The following ZNF827 variants were observed in gnomAD, a reference collection of about 807,000 sequenced individuals.
ZNF827 encodes the protein zinc finger protein 827.
ZNF827 carries 13 observed loss-of-function variants against 102.4 expected under a neutral mutation model. That is an observed-to-expected ratio of 0.13 (90% CI 0.08 to 0.20). The LOEUF (loss-of-function observed/expected upper bound fraction) is 0.20. ZNF827 is among the 10% of genes least tolerant of loss of function. The probability of loss-of-function intolerance (pLI) is 1.00; values close to 1 mark genes in which losing one functional copy is unlikely to be tolerated. For missense variants in ZNF827, 1,103 were observed against 1,344.4 expected (o/e 0.82, Z 2.81); for synonymous variants, 523 against 536.2 (o/e 0.98, Z 0.34).
chr4:145,825,127 A>G (rs1002587100), intron 7 of ZNF827, among the ~76,000 whole-genome samples: 1 of 152,262 alleles, frequency 6.6e-6, no homozygotes, highest in Non-Finnish European at 1.5e-5. Flanking sequence ...AAGGCCGTGA[A>G]GGAGGGGACA....
intron 4 of ZNF827, among the ~76,000 whole-genome samples, chr4:145,878,572 CA>C (rs1749358408): frequency 8.4e-6 from 1 of 118,934 alleles, no homozygotes; most frequent in African/African-American, 3.4e-5. Context: ...CAGGACAGGA[CA>C]GGACAGGACA....
intron 10 of ZNF827, among the ~76,000 whole-genome samples, chr4:145,775,283 A>G (rs1303544789): frequency 6.6e-6 from 1 of 152,230 alleles, no homozygotes; most frequent in Admixed American, 6.5e-5. Flanking sequence ...TGGGGGTTTT[A>G]TGGCAATCAA....
At chr4:145,889,246 A>G (rs1194231473) in intron 3 of ZNF827, among the ~76,000 whole-genome samples, 4 of 152,208 alleles carry the variant, frequency 2.6e-5, no homozygotes, top group Admixed American at 2.6e-4. Flanking sequence ...TTCTAAATGT[A>G]AATAAACATT....
At chr4:145,786,038 C>T (rs1395217112) in intron 8 of ZNF827, among the ~76,000 whole-genome samples, 1 of 152,148 alleles carries the variant, frequency 6.6e-6, no homozygotes, top group Admixed American at 6.5e-5. Flanking sequence ...AACAGCCAAT[C>T]CTCTCTGAGG....
intron 7 of ZNF827, among the ~76,000 whole-genome samples, chr4:145,834,131 C>A (rs1261144651): frequency 6.6e-6 from 1 of 152,198 alleles, no homozygotes; most frequent in Non-Finnish European, 1.5e-5. Flanking sequence ...GACCCCAATA[C>A]AAACTCGACA....
chr4:145,871,377 A>T (rs1339739458), intron 4 of ZNF827, among the ~76,000 whole-genome samples: 1 of 152,168 alleles, frequency 6.6e-6, no homozygotes, highest in African/African-American at 2.4e-5. Context: ...GTCAGGACAG[A>T]GCTAACTGGC....
chr4:145,785,610 G>C (rs1436672390), intron 8 of ZNF827, among the ~76,000 whole-genome samples: 2 of 152,082 alleles, frequency 1.3e-5, no homozygotes, highest in East Asian at 3.9e-4. Context: ...CCAAATCTTA[G>C]TTCAAGGAGG....
Position 145,885,962 on chromosome 4 carries a change from T to C in ZNF827, c.1463A>G (p.Gln488Arg). ...CTCTGTCCCTCCTCCTTCCCTTTGCTGCCCCAGGCAGGCACTGTCACTGAG... is the reference window on the plus strand; with the variant it reads ...CTCTGTCCCTCCTCCTTCCCTTTGCCGCCCCAGGCAGGCACTGTCACTGAG... ...PHLSDSACLG[Q>R]QREGGGTELV... The change falls in exon 4 of 15, where the codon CAG (glutamine) becomes CGG (arginine). Residue 488 changes from glutamine (Q) to arginine (R), a missense_variant. Coordinates refer to ENST00000508784, the MANE Select transcript of ZNF827 (RefSeq NM_001306215.2). 1 of 1,614,112 alleles carries C rather than the reference T, an allele frequency of 6.2e-7. No homozygotes were observed. Among genetic ancestry groups the C allele is most frequent in the Non-Finnish European group, 8.5e-7 (1 of 1,179,986 alleles).
At chr4:145,868,858 G>C (rs527584601) in intron 5 of ZNF827, among the ~76,000 whole-genome samples, 1 of 152,348 alleles carries the variant, frequency 6.6e-6, no homozygotes, top group African/African-American at 2.4e-5. Context: ...GAATGTGAAA[G>C]TGTATGCTAT....
intron 2 of ZNF827, among the ~76,000 whole-genome samples, chr4:145,901,254 T>A (rs1751385583): frequency 6.6e-6 from 1 of 152,182 alleles, no homozygotes; most frequent in South Asian, 2.1e-4. Flanking sequence ...CCTGCTCCAG[T>A]CTGGCAGGAT....
intron 4 of ZNF827, among the ~76,000 whole-genome samples, chr4:145,877,994 C>T (rs1749298499): frequency 6.6e-6 from 1 of 152,208 alleles, no homozygotes. Context: ...AACCTGAAGA[C>T]TGGATAATAT....
chr4:145,824,719 C>T (rs937154225), intron 7 of ZNF827, among the ~76,000 whole-genome samples: 7 of 152,124 alleles, frequency 4.6e-5, no homozygotes, highest in East Asian at 1.9e-4. Context: ...GGGATCACTA[C>T]CCCCCACCAC....
At chr4:145,904,299 C>T (rs997766122) in intron 1 of ZNF827, among the ~76,000 whole-genome samples, 1 of 152,186 alleles carries the variant, frequency 6.6e-6, no homozygotes, top group South Asian at 2.1e-4. Flanking sequence ...TAAGATCCTG[C>T]CTTCTTGGAG....
At chr4:145,835,005 A>G (rs1291958874) in intron 7 of ZNF827, 2 of 152,214 alleles carry the variant, frequency 1.3e-5, no homozygotes, top group Non-Finnish European at 1.5e-5. Context: ...CTCCTCCCAC[A>G]GGAGCTTGCT....
chr4:145,774,529 G>A lies in ZNF827; in HGVS notation c.2837C>T (p.Thr946Ile), dbSNP rs1736757932. The change falls in exon 11 of 15, where the codon ACT becomes ATT. Residue 946 changes from threonine to isoleucine, a missense_variant. By Grantham distance (89) the Thr-to-Ile change is moderately conservative (BLOSUM62 -1). This residue lies in a region of ZNF827 where 242 missense variants were observed against 361.9 expected (regional missense o/e 0.67). Transcript: ENST00000508784. ...FVTMEEAEIKTHIGTKHTGED... is the reference protein window; with the variant it reads ...FVTMEEAEIKIHIGTKHTGED... ...ACCTGTGTGCTTGGTGCCAATGTGA[G>A]TCTTTATCTCTGCTTCCTCCATGGT... The A allele has an allele frequency of 6.2e-7, 1 of 1,611,748 alleles. No homozygotes were observed. Among genetic ancestry groups the A allele is most frequent in the African/African-American group, 1.3e-5 (1 of 75,036 alleles).
At chr4:145,871,789 T>C (rs1025924374) in intron 4 of ZNF827, among the ~76,000 whole-genome samples, 11 of 152,204 alleles carry the variant, frequency 7.2e-5, no homozygotes, top group Admixed American at 6.5e-4. Flanking sequence ...AGAATATGCA[T>C]TCTGGAATCA....
intron 13 of ZNF827, 83 bp downstream of exon 13, chr4:145,764,905 C>G: frequency 1.2e-6 from 2 of 1,600,804 alleles, no homozygotes; most frequent in Non-Finnish European, 1.7e-6. Flanking sequence ...CTCCCAAAAC[C>G]TTCACGGGAA....
chr4:145,840,430 A>G (rs1009023697), intron 7 of ZNF827, among the ~76,000 whole-genome samples: 6 of 152,232 alleles, frequency 3.9e-5, no homozygotes, highest in African/African-American at 1.4e-4. Flanking sequence ...AGGCCCCAAA[A>G]CAGCCTTGAC....
intron 8 of ZNF827, among the ~76,000 whole-genome samples, chr4:145,814,769 CAAAAAAAAAAA>C: frequency 1.3e-5 from 1 of 74,350 alleles, no homozygotes; most frequent in Admixed American, 1.4e-4. Context: ...ACTAAAAATA[CAAAAAAAAAAA>C]AAAAAAAAAA....
Sources: gnomAD v4.1 joint callset for allele counts (sites outside exome capture counted in the v4.1 genomes callset) on GRCh38, gnomAD v4.1.1 for gene constraint, gnomAD v4.1.1 regional missense constraint, MANE v1.5 for transcripts, NCBI Gene and HGNC (gene_info 2026-07-23, HGNC 2026-07-21) for gene names.